Variants in NTM observed in about 807,000 individuals in gnomAD.
NTM encodes IgLON family member 2.
Under a neutral mutation model 42.1 loss-of-function variants are expected in NTM, and 13 were observed. The observed-to-expected ratio is 0.31, with a 90% CI of 0.20 to 0.49. NTM has a LOEUF of 0.49. Ranked by LOEUF, NTM falls within the 20% of genes least tolerant of loss-of-function variation. NTM has a pLI of 0.99. For synonymous variants in NTM, 187 were observed against 179.2 expected, an observed-to-expected ratio of 1.04 and a Z score of -0.35; for missense variants, 373 against 452.8, an observed-to-expected ratio of 0.82 and a Z score of 1.60.
chr11:131,595,895 G>A (rs1278854826), intron 1 of NTM, among the ~76,000 whole-genome samples: 1 of 152,230 alleles, frequency 6.6e-6, no homozygotes, highest in Non-Finnish European at 1.5e-5. Context: ...GCAGTAGAAA[G>A]AAGCCAGGGG....
chr11:131,718,110 CAG>C (rs543718572), intron 1 of NTM, among the ~76,000 whole-genome samples: 210 of 152,160 alleles, frequency 1.4e-3, no homozygotes, highest in African/African-American at 4.7e-3. Context: ...AATTTACTAA[CAG>C]TATGTTTTTT....
At chr11:131,600,660 G>A (rs559587118) in intron 1 of NTM, among the ~76,000 whole-genome samples, 7 of 152,232 alleles carry the variant, frequency 4.6e-5, no homozygotes, top group East Asian at 1.9e-4. Context: ...TCCTGCCTAC[G>A]TTTAGCAGGT....
intron 7 of NTM, among the ~76,000 whole-genome samples, chr11:132,321,184 T>C (rs2136279371): frequency 6.6e-6 from 1 of 152,330 alleles, no homozygotes; most frequent in East Asian, 1.9e-4. Flanking sequence ...GAGAATGACT[T>C]TGACGAGCTG....
In NTM at chr11:131,423,945, G is replaced by A. The variant is rs74413069; in HGVS notation, c.82+53057G>A. Among the ~76,000 whole-genome samples the A allele has an allele frequency of 2.0e-5, 3 of 152,260 alleles. No individual in the cohort carries two copies. The East Asian group carries it at 5.8e-4, about 29-fold the overall frequency. Reference sequence around the variant, plus strand: ...AGTAGGGTGTTTCCATTTCCCCGAGGCTTCTTTAGGAGGAGGCTACAAGTG... The same window carrying A: ...AGTAGGGTGTTTCCATTTCCCCGAGACTTCTTTAGGAGGAGGCTACAAGTG... On this transcript the variant is annotated intron_variant, in intron 1 of 8. Transcript: ENST00000683400.
At chr11:131,405,030 G>A (rs1039127330) in intron 1 of NTM, among the ~76,000 whole-genome samples, 1 of 152,120 alleles carries the variant, frequency 6.6e-6, no homozygotes, top group Admixed American at 6.5e-5. Context: ...GGCTTTATGG[G>A]ACCAAAGACA....
At chr11:131,973,689 C>T (rs34692300) in intron 2 of NTM, among the ~76,000 whole-genome samples, 26,393 of 152,110 alleles carry the variant, frequency 0.17, 2,523 homozygotes, top group Admixed American at 0.24. Context: ...TGGTGGTGAG[C>T]GCCCGTAATC....
At chr11:131,461,811 A>C (rs1951405149) in intron 1 of NTM, among the ~76,000 whole-genome samples, 1 of 152,236 alleles carries the variant, frequency 6.6e-6, no homozygotes, top group Non-Finnish European at 1.5e-5. Flanking sequence ...CTTTGAATAT[A>C]TATAATTTTT....
At chr11:132,288,854 C>A (rs2094350121) in intron 4 of NTM, among the ~76,000 whole-genome samples, 1 of 152,146 alleles carries the variant, frequency 6.6e-6, no homozygotes, top group Non-Finnish European at 1.5e-5. Flanking sequence ...CTCCTGGCCT[C>A]AGGTGATCCA....
At chr11:131,513,545 G>A (rs1314411075) in intron 1 of NTM, among the ~76,000 whole-genome samples, 1 of 152,258 alleles carries the variant, frequency 6.6e-6, no homozygotes, top group Non-Finnish European at 1.5e-5. Flanking sequence ...ATTAAGGACT[G>A]AGAGCGGCTT....
At chr11:131,796,238 A>G (rs1445888170) in intron 1 of NTM, 2 of 897,234 alleles carry the variant, frequency 2.2e-6, no homozygotes, top group Admixed American at 1.2e-4. Flanking sequence ...GGAAGAGGCC[A>G]TGCACAGGTG....
At chr11:131,387,690 C>T (rs568396702) in intron 1 of NTM, among the ~76,000 whole-genome samples, 134 of 152,240 alleles carry the variant, frequency 8.8e-4, no homozygotes, top group Non-Finnish European at 1.3e-4. Flanking sequence ...TTGATTTGGC[C>T]ATTACACATT....
At chr11:132,201,531 C>T (rs2138468420) in intron 3 of NTM, among the ~76,000 whole-genome samples, 1 of 152,308 alleles carries the variant, frequency 6.6e-6, no homozygotes, top group Non-Finnish European at 1.5e-5. Context: ...CAGGAATAGA[C>T]AATTCCTGGT....
At chr11:131,542,963 G>A (rs912812579) in intron 1 of NTM, among the ~76,000 whole-genome samples, 2 of 152,144 alleles carry the variant, frequency 1.3e-5, no homozygotes, top group African/African-American at 4.8e-5. Context: ...TCCAAAATAC[G>A]AGGCCCATAG....
At chr11:132,325,747 G>A (rs1475808399) in intron 7 of NTM, among the ~76,000 whole-genome samples, 2 of 152,196 alleles carry the variant, frequency 1.3e-5, no homozygotes, top group Non-Finnish European at 2.9e-5. Flanking sequence ...ATTCACAATA[G>A]CAAAGACTTG....
intron 2 of NTM, among the ~76,000 whole-genome samples, chr11:132,055,131 T>C (rs1404491631): frequency 6.6e-6 from 1 of 152,156 alleles, no homozygotes; most frequent in East Asian, 1.9e-4. Context: ...GGCCTTGAGG[T>C]TGGATCATAT....
intron 2 of NTM, among the ~76,000 whole-genome samples, chr11:131,945,964 G>A (rs2060298104): frequency 6.6e-6 from 1 of 152,198 alleles, no homozygotes; most frequent in Non-Finnish European, 1.5e-5. Context: ...GTAGCAGGGT[G>A]CAGGCTGATG....
intron 2 of NTM, among the ~76,000 whole-genome samples, chr11:131,991,411 G>A (rs2066999039): frequency 6.6e-6 from 1 of 152,048 alleles, no homozygotes; most frequent in Non-Finnish European, 1.5e-5. Context: ...GTAATTAATA[G>A]GTGATTGATT....
intron 1 of NTM, among the ~76,000 whole-genome samples, chr11:131,431,153 C>T (rs1228807744): frequency 1.3e-5 from 2 of 152,174 alleles, no homozygotes; most frequent in Non-Finnish European, 2.9e-5. Context: ...CAGCCAAATT[C>T]AGGATTGCAG....
intron 2 of NTM, among the ~76,000 whole-genome samples, chr11:131,914,424 C>T (rs993516763): frequency 1.3e-5 from 2 of 152,164 alleles, no homozygotes; most frequent in Admixed American, 6.5e-5. Flanking sequence ...ATCCATCTTC[C>T]TATGGGTGAT....
Sources: gnomAD v4.1 joint callset for allele counts (sites outside exome capture counted in the v4.1 genomes callset) on GRCh38, gnomAD v4.1.1 for gene constraint, MANE v1.5 for transcripts, NCBI Gene and HGNC (gene_info 2026-07-23, HGNC 2026-07-21) for gene names.